The following C4BPB variants were observed in gnomAD, a reference collection of about 807,000 sequenced individuals.
C4BPB encodes the protein complement component 4 binding protein beta.
Under a neutral mutation model 26.6 loss-of-function variants are expected in C4BPB, and 19 were observed. The observed-to-expected ratio is 0.71, with a 90% confidence interval of 0.50 to 1.05. C4BPB has a LOEUF of 1.05. C4BPB is among the 50% of genes least tolerant of loss of function. C4BPB has a pLI of 0.00. For synonymous variants in C4BPB, 118 were observed against 103.5 expected (o/e 1.14, Z -0.85); for missense variants, 282 against 302.9 (o/e 0.93, Z 0.51).
At chr1:207,095,648 T>C in intron 4 of C4BPB, 1 of 349,198 alleles carries the variant, frequency 2.9e-6, no homozygotes, top group Non-Finnish European at 5.6e-6. Flanking sequence ...TTTCTGATAC[T>C]CTCTTTGATA....
In C4BPB at chr1:207,096,546, C is replaced by T. The variant is rs916347739; in HGVS notation, c.434C>T (p.Pro145Leu). 3.7e-6 allele frequency: 6 copies of T among 1,608,828 alleles called. No individual in the cohort carries two copies. In the African/African-American group the frequency reaches 6.7e-5, roughly 18 times the overall value. ...GGGGACTGTGACCCTCCTGGGAATC[C>T]AGTTCATGGCTATTTTGAAGGAAAT... ...KSRDCDPPGN[P>L]VHGYFEGNNF... Residue 145 changes from proline (P) to leucine (L), a missense_variant, in exon 5 of 7, where the codon CCA becomes CTA. By Grantham distance (98) the Pro-to-Leu change is moderately conservative. Transcript: ENST00000367078.
intron 6 of C4BPB, among the ~76,000 whole-genome samples, chr1:207,099,150 C>T (rs547002489): frequency 3.9e-4 from 55 of 141,964 alleles, no homozygotes; most frequent in African/African-American, 1.4e-3. Context: ...TCATCAGGCA[C>T]TAGATTCTCA....
In C4BPB at chr1:207,091,630, AT is replaced by A. The variant is rs1684029838; in HGVS notation, c.233-10del. 2.5e-6 allele frequency: 4 copies of A among 1,607,372 alleles called. No homozygotes were observed. Among genetic ancestry groups the A allele is most frequent in the Non-Finnish European group, 3.4e-6 (4 of 1,176,616 alleles). ...GCTTTGCCCTTTCAGCTTATTGCTT[AT>A]TTTCTTCTTCAGTGGGCCACTGTCC... On this transcript the variant is annotated splice_polypyrimidine_tract_variant and intron_variant, in intron 3 of 6. Transcript: ENST00000367078.
At chr1:207,091,500 T>C (rs901390108) in intron 3 of C4BPB, 144 bp from the exon 4 acceptor site, 30 of 616,532 alleles carry the variant, frequency 4.9e-5, no homozygotes, top group South Asian at 1.3e-4. Context: ...ATTGATATGG[T>C]AGTACCATGT....
intron 4 of C4BPB, chr1:207,096,253 C>T (rs1320347239): frequency 1.2e-5 from 5 of 405,690 alleles, no homozygotes; most frequent in South Asian, 2.9e-5. Flanking sequence ...TGAGCTCCTG[C>T]TGTCAGATAA....
intron 2 of C4BPB, 109 bp downstream of exon 2, chr1:207,089,698 A>G: frequency 1.1e-6 from 1 of 891,468 alleles, no homozygotes; most frequent in Non-Finnish European, 1.8e-6. Flanking sequence ...TAATATCTTT[A>G]TTCTTCTATT....
intron 2 of C4BPB, 73 bp downstream of exon 2, chr1:207,089,662 T>C (rs996530312): frequency 9.4e-6 from 12 of 1,270,772 alleles, no homozygotes; most frequent in East Asian, 2.3e-5. Context: ...GAACTCTGTC[T>C]AGGGCTTTAA....
In C4BPB at chr1:207,090,428, C is replaced by G. The variant is rs1426252135; in HGVS notation, c.179C>G (p.Thr60Ser). 6 of 1,614,024 alleles carry G rather than the reference C, an allele frequency of 3.7e-6. No homozygotes were observed. Among genetic ancestry groups the G allele is most frequent in the Non-Finnish European group, 5.1e-6 (6 of 1,179,924 alleles). Residue 60 changes from threonine to serine, a missense_variant, in exon 3 of 7, where the codon ACC (threonine) becomes AGC (serine). Physicochemically the swap from Thr to Ser is moderately conservative, Grantham distance 58. Coordinates refer to ENST00000367078, the MANE Select transcript of C4BPB (RefSeq NM_001017365.3). Reference sequence around the variant, plus strand: ...GGCTACCACCTGGTAGGAAAGAAGACCCTTTTTTGCAATGCCTCTAAGGAG... The same window carrying G: ...GGCTACCACCTGGTAGGAAAGAAGAGCCTTTTTTGCAATGCCTCTAAGGAG... ...IKGYHLVGKK[T>S]LFCNASKEWD...
At chr1:207,099,425 T>C (rs1328882376) in intron 6 of C4BPB, among the ~76,000 whole-genome samples, 1 of 152,168 alleles carries the variant, frequency 6.6e-6, no homozygotes, top group Non-Finnish European at 1.5e-5. Flanking sequence ...CGTGGACCGG[T>C]ACCGGTCTGT....
rs1161977820 is a variant in C4BPB, at chr1:207,091,721, A to T, written c.310A>T (p.Thr104Ser). Reference sequence around the variant, plus strand: ...GCCTGTGAATGTAAGTGACAAAATCACGTTTATGTGCAATGACCACTACAT... The same window carrying T: ...GCCTGTGAATGTAAGTGACAAAATCTCGTTTATGTGCAATGACCACTACAT... ...SGPVNVSDKI[T>S]FMCNDHYILK... The change falls in exon 4 of 7, where the codon ACG becomes TCG. Residue 104 changes from threonine to serine, a missense_variant. Physicochemically the swap from Thr to Ser is moderately conservative, Grantham distance 58. Coordinates refer to ENST00000367078, the MANE Select transcript of C4BPB (RefSeq NM_001017365.3). 2.5e-6 allele frequency: 4 copies of T among 1,613,880 alleles called. No homozygotes were observed. In the African/African-American group the frequency reaches 4.0e-5, roughly 16 times the overall value.
chr1:207,093,239 G>A (rs1684110463), intron 4 of C4BPB, among the ~76,000 whole-genome samples: 1 of 152,084 alleles, frequency 6.6e-6, no homozygotes, highest in Non-Finnish European at 1.5e-5. Context: ...ACAGTGCAAT[G>A]CCTCCCAGGA....
chr1:207,097,079 A>T (rs1331624218), intron 5 of C4BPB, among the ~76,000 whole-genome samples: 4 of 152,216 alleles, frequency 2.6e-5, no homozygotes, highest in Non-Finnish European at 5.9e-5. Flanking sequence ...AGGCTGAGGC[A>T]TGAGAATCGC....
chr1:207,095,674 T>C lies in C4BPB; in HGVS notation c.410-848T>C, dbSNP rs11799604. 3.3e-3 allele frequency: 1,119 copies of C among 338,974 alleles called. 11 individuals are homozygous for C. Among genetic ancestry groups the C allele is most frequent in the African/African-American group, 0.023 (1,077 of 46,200 alleles). 21.0% of individuals were successfully genotyped at this position (338,974 alleles called of 1,614,324 possible). ...CTCTTTGATATAGTTTGGATGTGTG[T>C]TCCTGCTCAAATCTCATATTGAATT... On this transcript the variant is annotated intron_variant, in intron 4 of 6. Transcript: ENST00000367078.
chr1:207,092,709 C>T (rs924191203), intron 4 of C4BPB, among the ~76,000 whole-genome samples: 1 of 149,290 alleles, frequency 6.7e-6, no homozygotes, highest in Non-Finnish European at 1.5e-5. Context: ...CTCACTGCAA[C>T]CTCTGCTGCC....
chr1:207,096,507 A>G lies in C4BPB; in HGVS notation c.410-15A>G. 4 of 1,509,924 alleles carry G rather than the reference A, an allele frequency of 2.6e-6. No individual in the cohort carries two copies. Among genetic ancestry groups the G allele is most frequent in the Non-Finnish European group, 3.7e-6 (4 of 1,087,396 alleles). 93.5% of individuals were successfully genotyped at this position (1,509,924 alleles called of 1,614,324 possible). A position where few individuals can be genotyped will look rare whatever the true frequency, so the allele number is the denominator to read the frequency against. ...TGGCCCTCATAACTATGACTTCTAT[A>G]CTCGTTTCTCTCAGGGGACTGTGAC... On this transcript the variant is annotated splice_polypyrimidine_tract_variant and intron_variant, in intron 4 of 6. Coordinates refer to ENST00000367078, the MANE Select transcript of C4BPB (RefSeq NM_001017365.3).
In C4BPB at chr1:207,094,202, G is replaced by A. The variant is rs560931086; in HGVS notation, c.410-2320G>A. Among the ~76,000 whole-genome samples, 44 of 152,150 alleles carry A rather than the reference G, an allele frequency of 2.9e-4. No homozygotes were observed. In the Middle Eastern group the frequency reaches 0.01, roughly 35 times the overall value. ...GCTACTAAAATAATAAAAGCCAGGC[G>A]TGGCAGTGCATACCTGCAGTCCCAG... On this transcript the variant is annotated intron_variant, in intron 4 of 6. Transcript: ENST00000367078.
Position 207,096,557 on chromosome 1 carries a change from T to C in C4BPB, c.445T>C (p.Tyr149His). 1 of 1,610,342 alleles carries C rather than the reference T, an allele frequency of 6.2e-7. No homozygotes were observed. Among genetic ancestry groups the C allele is most frequent in the East Asian group, 2.2e-5 (1 of 44,850 alleles). Residue 149 changes from tyrosine (Y) to histidine (H), a missense_variant, in exon 5 of 7, where the codon TAT becomes CAT. By Grantham distance (83) the Tyr-to-His change is moderately conservative. Transcript: ENST00000367078. ...CDPPGNPVHG[Y>H]FEGNNFTLGS... ...CCCTCCTGGGAATCCAGTTCATGGC[T>C]ATTTTGAAGGAAATAACTTCACCTT...
rs1683983538 is a variant in C4BPB at position 207,090,442 on chromosome 1, G to A, written c.193G>A (p.Ala65Thr). The A allele has an allele frequency of 6.2e-7, 1 of 1,613,750 alleles. No individual in the cohort carries two copies. Among genetic ancestry groups the A allele is most frequent in the Non-Finnish European group, 8.5e-7 (1 of 1,179,798 alleles). Reference sequence around the variant, plus strand: ...AGGAAAGAAGACCCTTTTTTGCAATGCCTCTAAGGAGTGGGATAACACCAC... The same window carrying A: ...AGGAAAGAAGACCCTTTTTTGCAATACCTCTAAGGAGTGGGATAACACCAC... ...LVGKKTLFCNASKEWDNTTTE... is the reference protein window; with the variant it reads ...LVGKKTLFCNTSKEWDNTTTE... Residue 65 changes from alanine (A) to threonine (T), a missense_variant, in exon 3 of 7, where the codon GCC becomes ACC. Coordinates refer to ENST00000367078, the MANE Select transcript of C4BPB (RefSeq NM_001017365.3).
intron 1 of C4BPB, 31 bp downstream of exon 1, chr1:207,088,977 T>C (rs974685358): frequency 1.3e-5 from 2 of 153,424 alleles, no homozygotes; most frequent in South Asian, 2.0e-4. Flanking sequence ...TGAGCTTTCG[T>C]CTTCAGTGCT....
Sources: allele counts gnomAD v4.1 joint callset (sites outside exome capture counted in the v4.1 genomes callset), GRCh38; gene constraint gnomAD v4.1.1; transcripts MANE v1.5; gene names NCBI Gene and HGNC (gene_info 2026-07-23, HGNC 2026-07-21).